The following GALNT13 variants were observed in gnomAD, a reference collection of about 807,000 sequenced individuals.
GALNT13 encodes the protein polypeptide N-acetylgalactosaminyltransferase 13.
A neutral mutation model predicts 64.2 loss-of-function variants in GALNT13; 28 were observed. The ratio of observed to expected loss-of-function variants is 0.44; its 90% CI spans 0.32 to 0.60. The LOEUF is 0.60. Ranked by LOEUF, GALNT13 falls within the 20% of genes least tolerant of loss-of-function variation. The pLI, the probability that GALNT13 is intolerant of heterozygous loss-of-function variation, is 0.05. For synonymous variants in GALNT13, 214 were observed against 224.6 expected (o/e 0.95, Z 0.42); for missense variants, 577 against 669.8 (o/e 0.86, Z 1.53).
At chr2:153,591,617 A>C in the GALNT13 span, among the ~76,000 whole-genome samples, 2 of 152,006 alleles carry the variant, frequency 1.3e-5, no homozygotes, top group African/African-American at 4.8e-5. Context: ...AACAGAACAA[A>C]ATAAATTGTC....
At chr2:153,678,442 C>T in the GALNT13 span, among the ~76,000 whole-genome samples, 1 of 152,038 alleles carries the variant, frequency 6.6e-6, no homozygotes, top group Non-Finnish European at 1.5e-5. Context: ...AAACCAAATA[C>T]TGCATATTCT....
At chr2:153,649,157 A>T in the GALNT13 span, among the ~76,000 whole-genome samples, 12 of 152,186 alleles carry the variant, frequency 7.9e-5, no homozygotes, top group African/African-American at 2.9e-4. Flanking sequence ...TTATTGGTCT[A>T]TTCAGAGATT....
chr2:154,043,413 T>G (rs1341955467), intron 3 of GALNT13, among the ~76,000 whole-genome samples: 2 of 83,200 alleles, frequency 2.4e-5, no homozygotes, highest in Admixed American at 1.5e-4. Flanking sequence ...TATAAGGACT[T>G]TTATATATAT....
At chr2:153,404,023 G>T in the GALNT13 span, among the ~76,000 whole-genome samples, 1 of 152,144 alleles carries the variant, frequency 6.6e-6, no homozygotes, top group African/African-American at 2.4e-5. Context: ...AGAAATCTGT[G>T]TTTCTACCAA....
the GALNT13 span, among the ~76,000 whole-genome samples, chr2:153,753,473 A>G: frequency 3.3e-5 from 5 of 152,306 alleles, no homozygotes; most frequent in South Asian, 8.3e-4. Context: ...ACCCAGTAAC[A>G]CTGTGATTCT....
the GALNT13 span, among the ~76,000 whole-genome samples, chr2:153,260,934 T>C: frequency 6.6e-6 from 1 of 152,250 alleles, no homozygotes; most frequent in East Asian, 1.9e-4. Flanking sequence ...TCAAATAGCC[T>C]GTCTACAAGC....
chr2:153,523,347 T>C, the GALNT13 span, among the ~76,000 whole-genome samples: 1 of 152,214 alleles, frequency 6.6e-6, no homozygotes, highest in Non-Finnish European at 1.5e-5. Flanking sequence ...TCTGGTGATA[T>C]CTACAAAAAT....
chr2:153,606,252 T>TACAC, the GALNT13 span, among the ~76,000 whole-genome samples: 1 of 152,078 alleles, frequency 6.6e-6, no homozygotes, highest in Non-Finnish European at 1.5e-5. Flanking sequence ...TACACACACA[T>TACAC]ACACATACAT....
chr2:154,051,013 A>G (rs1699574383), intron 3 of GALNT13, among the ~76,000 whole-genome samples: 1 of 152,214 alleles, frequency 6.6e-6, no homozygotes, highest in Non-Finnish European at 1.5e-5. Flanking sequence ...TGAAATAGAA[A>G]GTCTTCTCGG....
the GALNT13 span, among the ~76,000 whole-genome samples, chr2:153,720,162 C>G: frequency 8.2e-5 from 12 of 145,908 alleles, no homozygotes; most frequent in African/African-American, 2.6e-4. Context: ...CCCTGACCCC[C>G]GAGCAGCCTA....
chr2:153,432,190 C>A, the GALNT13 span, among the ~76,000 whole-genome samples: 1 of 152,062 alleles, frequency 6.6e-6, no homozygotes, highest in Non-Finnish European at 1.5e-5. Context: ...TTACAGAGGT[C>A]AATAGTACAC....
the GALNT13 span, among the ~76,000 whole-genome samples, chr2:153,163,493 C>T: frequency 6.6e-6 from 1 of 152,154 alleles, no homozygotes; most frequent in Non-Finnish European, 1.5e-5. Context: ...GGCTTTTTAA[C>T]ATCTGCACTG....
intron 3 of GALNT13, among the ~76,000 whole-genome samples, chr2:154,057,440 C>T (rs911681061): frequency 6.6e-6 from 1 of 152,130 alleles, no homozygotes; most frequent in African/African-American, 2.4e-5. Context: ...TTCCCTTTTT[C>T]TCTTCTTTTT....
At chr2:153,255,076 G>A in the GALNT13 span, among the ~76,000 whole-genome samples, 1 of 152,070 alleles carries the variant, frequency 6.6e-6, no homozygotes, top group Admixed American at 6.6e-5. Context: ...GGGTGTGAAA[G>A]TCTCCCATTA....
the GALNT13 span, among the ~76,000 whole-genome samples, chr2:153,450,664 T>A: frequency 1.4e-4 from 21 of 152,056 alleles, no homozygotes; most frequent in African/African-American, 5.1e-4. Flanking sequence ...TATATTCCGA[T>A]GAACACATAT....
At chr2:153,528,711 A>G in the GALNT13 span, among the ~76,000 whole-genome samples, 1 of 152,004 alleles carries the variant, frequency 6.6e-6, no homozygotes, top group Admixed American at 6.6e-5. Flanking sequence ...ACCCTGAGTA[A>G]TATCAACCAT....
intron 8 of GALNT13, among the ~76,000 whole-genome samples, chr2:154,296,417 C>T (rs1014953969): frequency 6.6e-6 from 1 of 152,210 alleles, no homozygotes; most frequent in African/African-American, 2.4e-5. Flanking sequence ...TCTCTCCATT[C>T]AGTTAGCTCC....
At chr2:153,878,514 T>C (rs773871742) in intron 1 of GALNT13, among the ~76,000 whole-genome samples, 8 of 152,220 alleles carry the variant, frequency 5.3e-5, no homozygotes, top group Admixed American at 2.6e-4. Context: ...ATGCTAGCAC[T>C]TGCTTTAGCC....
At chr2:153,665,196 C>T in the GALNT13 span, among the ~76,000 whole-genome samples, 12 of 152,268 alleles carry the variant, frequency 7.9e-5, 1 homozygote, top group East Asian at 2.3e-3. Context: ...TGGAGAATAT[C>T]TCCTGAAGTG....
Sources: gnomAD v4.1 joint callset for allele counts (sites outside exome capture counted in the v4.1 genomes callset) on GRCh38, gnomAD v4.1.1 for gene constraint, MANE v1.5 for transcripts, NCBI Gene and HGNC (gene_info 2026-07-23, HGNC 2026-07-21) for gene names.